The following BMPR1B variants were observed in gnomAD, a reference collection of about 807,000 sequenced individuals.
The protein encoded by BMPR1B is bone morphogenetic protein receptor type 1B, also known as bone morphogenetic protein receptor type-1B.
BMPR1B carries 12 observed loss-of-function variants against 59.1 expected under a neutral mutation model. That is an observed-to-expected ratio of 0.20 (90% confidence interval 0.13 to 0.33). The LOEUF is 0.33. Among genes scored for constraint, BMPR1B ranks in the 10% least tolerant of loss-of-function variants. BMPR1B has a pLI of 1.00. For missense variants in BMPR1B, 550 were observed against 610.9 expected (o/e 0.90, Z 1.05); for synonymous variants, 237 against 207.3 (o/e 1.14, Z -1.23).
At chr4:94,986,144 CATAA>C (rs1434782482) in intron 2 of BMPR1B, among the ~76,000 whole-genome samples, 1 of 152,096 alleles carries the variant, frequency 6.6e-6, no homozygotes, top group Non-Finnish European at 1.5e-5. Flanking sequence ...AAAACAAAAA[CATAA>C]GTAGTTTAAT....
chr4:94,980,887 C>T (rs1721015511), intron 2 of BMPR1B, among the ~76,000 whole-genome samples: 1 of 152,072 alleles, frequency 6.6e-6, no homozygotes, highest in Non-Finnish European at 1.5e-5. Context: ...CCCAGCCACT[C>T]AGGAGGCTGA....
chr4:94,844,660 G>C (rs1176415676), intron 1 of BMPR1B, among the ~76,000 whole-genome samples: 1 of 91,378 alleles, frequency 1.1e-5, no homozygotes, highest in African/African-American at 6.4e-5. Flanking sequence ...CTTTATGTCT[G>C]CCTGACTTCC....
intron 2 of BMPR1B, among the ~76,000 whole-genome samples, chr4:94,910,701 A>G (rs562073674): frequency 6.6e-6 from 1 of 152,176 alleles, no homozygotes; most frequent in African/African-American, 2.4e-5. Context: ...TGAGGCCAGA[A>G]GTTTGAGACC....
At chr4:95,057,448 T>TGTTG (rs1185052564) in intron 3 of BMPR1B, among the ~76,000 whole-genome samples, 4 of 152,096 alleles carry the variant, frequency 2.6e-5, no homozygotes, top group Non-Finnish European at 5.9e-5. Context: ...GGTTTCACCA[T>TGTTG]GTTGGCCAGG....
intron 9 of BMPR1B, among the ~76,000 whole-genome samples, chr4:95,130,723 CTTTTTTTTTTTTTTT>C (rs148720302): frequency 1.7e-4 from 13 of 77,940 alleles, no homozygotes; most frequent in Admixed American, 5.5e-4. Flanking sequence ...CTTTTCTTTT[CTTTTTTTTTTTTTTT>C]TTTTTTTTTT....
At chr4:95,052,552 ATGTATTTAAAGTTCAGCTTTATG>A (rs1382496829) in intron 3 of BMPR1B, among the ~76,000 whole-genome samples, 77 of 152,268 alleles carry the variant, frequency 5.1e-4, no homozygotes, top group African/African-American at 1.7e-3. Flanking sequence ...TGAGATTGAA[ATGTATTTAAAGTTCAGCTTTATG>A]TACTTGTGGA....
At chr4:94,826,386 CA>C in intron 1 of BMPR1B, among the ~76,000 whole-genome samples, 1 of 132,918 alleles carries the variant, frequency 7.5e-6, no homozygotes, top group Non-Finnish European at 1.6e-5. Context: ...TTTTAAAGCT[CA>C]CTCGGGCTGG....
intron 3 of BMPR1B, among the ~76,000 whole-genome samples, chr4:95,014,930 T>TCC (rs1307519549): frequency 6.6e-6 from 1 of 152,164 alleles, no homozygotes; most frequent in Admixed American, 6.5e-5. Context: ...TGGCTGTCCC[T>TCC]CCGTCCCAGA....
chr4:94,850,544 G>C (rs953220566), intron 1 of BMPR1B, among the ~76,000 whole-genome samples: 31 of 152,288 alleles, frequency 2.0e-4, no homozygotes, highest in African/African-American at 7.2e-4. Flanking sequence ...ACTGTGATTT[G>C]TTGCCTATGT....
At position 95,120,403 on chromosome 4, in the gene BMPR1B, G is replaced by A. The variant is rs193196058; in HGVS notation, c.350-3407G>A. ...ATCACTCCTATTCAGCATAGCACTG[G>A]AAGTCCTAGTCAGAGCAATCAGACC... On this transcript the variant is annotated intron_variant, in intron 6 of 12. Transcript: ENST00000515059. 6.0e-4 allele frequency among the ~76,000 whole-genome samples: 92 copies of A among 152,232 alleles called. 1 individual carries two copies. Among genetic ancestry groups the A allele is most frequent in the Middle Eastern group, 3.4e-3 (1 of 294 alleles).
chr4:94,772,685 T>C (rs1722228096), intron 1 of BMPR1B, among the ~76,000 whole-genome samples: 1 of 152,172 alleles, frequency 6.6e-6, no homozygotes. Flanking sequence ...TTCCAAAATA[T>C]AATTTTTCCA....
chr4:94,872,049 G>T (rs1726518574), intron 1 of BMPR1B, among the ~76,000 whole-genome samples: 1 of 152,176 alleles, frequency 6.6e-6, no homozygotes, highest in South Asian at 2.1e-4. Flanking sequence ...TTGTCTTAAT[G>T]CTATCTTTAT....
At chr4:94,967,438 C>G (rs1343028680) in intron 2 of BMPR1B, among the ~76,000 whole-genome samples, 2 of 151,786 alleles carry the variant, frequency 1.3e-5, no homozygotes, top group Admixed American at 6.6e-5. Context: ...TATAGATTTC[C>G]CTTTCCTCTC....
rs1024006745 is a variant in BMPR1B at position 95,157,481 on chromosome 4, T to G, written c.*2808T>G. ...CCCAGAAATTAATAATGTTGTTTAT[T>G]GCTTACTGTCAGGACTATTTCAAAG... On this transcript the variant is annotated 3_prime_UTR_variant, in exon 13 of 13. Coordinates refer to ENST00000515059, the MANE Select transcript of BMPR1B (RefSeq NM_001203.3). 4 of 152,056 alleles carry G rather than the reference T, an allele frequency of 2.6e-5. No homozygotes were observed. The highest frequency in any genetic ancestry group is 5.9e-5 in the Non-Finnish European group (4 of 67,960). 9.4% of individuals were successfully genotyped at this position (152,056 alleles called of 1,614,324 possible).
chr4:95,003,371 C>G (rs906934416), intron 3 of BMPR1B, among the ~76,000 whole-genome samples: 2 of 151,876 alleles, frequency 1.3e-5, no homozygotes, highest in Non-Finnish European at 1.5e-5. Flanking sequence ...TTTAGGTTAC[C>G]TTTCAGGTTG....
intron 11 of BMPR1B, among the ~76,000 whole-genome samples, chr4:95,151,319 C>T (rs1160970677): frequency 2.0e-5 from 3 of 152,144 alleles, no homozygotes; most frequent in Admixed American, 6.5e-5. Flanking sequence ...CTACCCCACC[C>T]CATCCATCAG....
intron 2 of BMPR1B, among the ~76,000 whole-genome samples, chr4:94,935,650 C>T (rs1342672663): frequency 6.6e-6 from 1 of 152,154 alleles, no homozygotes; most frequent in Non-Finnish European, 1.5e-5. Flanking sequence ...GCATGGCTTT[C>T]AGAGAGGTAA....
At chr4:94,817,711 T>C (rs755024276) in intron 1 of BMPR1B, among the ~76,000 whole-genome samples, 1 of 152,152 alleles carries the variant, frequency 6.6e-6, no homozygotes, top group Non-Finnish European at 1.5e-5. Context: ...GGGTGAGAGA[T>C]AGTGTCTGCC....
At chr4:95,137,962 C>T (rs1052654461) in intron 10 of BMPR1B, among the ~76,000 whole-genome samples, 1 of 152,034 alleles carries the variant, frequency 6.6e-6, no homozygotes, top group African/African-American at 2.4e-5. Flanking sequence ...ATGTTAGCTG[C>T]ATATTTTGCT....
Sources: allele counts gnomAD v4.1 joint callset (sites outside exome capture counted in the v4.1 genomes callset), GRCh38; gene constraint gnomAD v4.1.1; transcripts MANE v1.5; gene names NCBI Gene and HGNC (gene_info 2026-07-23, HGNC 2026-07-21).